The following ENDOU variants were observed in gnomAD, a reference collection of about 807,000 sequenced individuals.
The protein encoded by ENDOU is uridylate-specific endoribonuclease.
A neutral mutation model predicts 54.2 loss-of-function variants in ENDOU; 49 were observed. The observed-to-expected ratio is 0.90, with a 90% CI of 0.72 to 1.15. The LOEUF (loss-of-function observed/expected upper bound fraction) is 1.15. ENDOU is among the 50% of genes most tolerant of loss of function. The pLI is 0.00. For synonymous variants in ENDOU, 172 were observed against 190.5 expected, an observed-to-expected ratio of 0.90 and a Z score of 0.80; for missense variants, 458 against 511.4, an observed-to-expected ratio of 0.90 and a Z score of 1.01.
chr12:47,711,885 CTG>C (rs777986680), intron 8 of ENDOU, 110 bp from the exon 9 acceptor site: 15 of 1,184,484 alleles, frequency 1.3e-5, no homozygotes, highest in Non-Finnish European at 1.8e-5. Context: ...CATTAGGGGC[CTG>C]TGTGAACCTT....
At chr12:47,713,203 C>A (rs1431955506) in intron 7 of ENDOU, 72 bp downstream of exon 7, 5 of 1,050,846 alleles carry the variant, frequency 4.8e-6, no homozygotes, top group Non-Finnish European at 7.5e-6. Flanking sequence ...ACACCCAGGG[C>A]TGCCCTGCTC....
chr12:47,716,281 C>A lies in ENDOU; in HGVS notation c.751+19G>T. ...TCAGACAGACTCATGCGCTCTGGGG[C>A]CTGGGGGTGCTCACTCACTCTGGTG... On this transcript the variant is annotated intron_variant, in intron 6 of 9. Transcript: ENST00000422538. 6.2e-7 allele frequency: 1 copy of A among 1,613,190 alleles called. No individual in the cohort carries two copies. The highest frequency in any genetic ancestry group is 8.5e-7 in the Non-Finnish European group (1 of 1,179,410).
chr12:47,712,515 C>G lies in ENDOU; in HGVS notation c.972+1G>C. The stretch of plus-strand genomic sequence containing the variant: ...AAGGCTTTTCTAGTCCGTGTACTCA[C>G]AGGCCCATCGTAGATGTGACTGTAA... On this transcript the variant is annotated splice_donor_variant, in intron 8 of 9. Transcript: ENST00000422538. LOFTEE classifies it high-confidence loss of function. The G allele has an allele frequency of 6.2e-7, 1 of 1,608,812 alleles. No homozygotes were observed. Among genetic ancestry groups the G allele is most frequent in the African/African-American group, 1.3e-5 (1 of 74,924 alleles).
chr12:47,710,704 T>C lies in ENDOU; in HGVS notation c.*98A>G, dbSNP rs769947576. 1 of 804,158 alleles carries C rather than the reference T, an allele frequency of 1.2e-6. No individual in the cohort carries two copies. The highest frequency in any genetic ancestry group is 2.2e-6 in the Non-Finnish European group (1 of 460,474). 49.8% of individuals were successfully genotyped at this position (804,158 alleles called of 1,614,324 possible). A position where few individuals can be genotyped will look rare whatever the true frequency, so the allele number is the denominator to read the frequency against. The stretch of plus-strand genomic sequence containing the variant: ...TGCTTCTCATTGCTTTGAGATTTGG[T>C]GATCCCTTCCAGTCCTCTCCCTCTT... On this transcript the variant is annotated 3_prime_UTR_variant, in exon 10 of 10. Coordinates refer to ENST00000422538, the MANE Select transcript of ENDOU (RefSeq NM_001172439.2).
chr12:47,716,617 G>T (rs1259728141), intron 5 of ENDOU, 118 bp from the exon 6 acceptor site: 5 of 870,198 alleles, frequency 5.7e-6, no homozygotes, highest in Non-Finnish European at 9.0e-6. Flanking sequence ...GAGCCGAGGG[G>T]GCACTTCGGG....
At chr12:47,716,813 T>G in intron 5 of ENDOU, 77 bp downstream of exon 5, 1 of 1,471,204 alleles carries the variant, frequency 6.8e-7, no homozygotes, top group Non-Finnish European at 9.4e-7. Context: ...GACTTGAGGA[T>G]AAAAAGTCGA....
At chr12:47,720,941 C>G (rs1234516195) in intron 1 of ENDOU, 66 bp from the exon 2 acceptor site, 2 of 1,495,578 alleles carry the variant, frequency 1.3e-6, no homozygotes, top group Non-Finnish European at 1.8e-6. Flanking sequence ...GTGCCTCCTG[C>G]AGGAGGGTTC....
chr12:47,718,606 C>T (rs1374513924), intron 2 of ENDOU, among the ~76,000 whole-genome samples: 1 of 152,170 alleles, frequency 6.6e-6, no homozygotes, highest in Non-Finnish European at 1.5e-5. Context: ...CTCAGGGCCT[C>T]AAGGAATAAG....
At chr12:47,712,664 C>T (rs1181317050) in intron 7 of ENDOU, 42 bp from the exon 8 acceptor site, 1 of 1,429,698 alleles carries the variant, frequency 7.0e-7, no homozygotes, top group Admixed American at 1.7e-5. Flanking sequence ...GGCTCCTTCC[C>T]CACCCTCCCC....
At chr12:47,722,977 A>C (rs1455348554) in intron 1 of ENDOU, among the ~76,000 whole-genome samples, 1 of 152,234 alleles carries the variant, frequency 6.6e-6, no homozygotes, top group Non-Finnish European at 1.5e-5. Context: ...TCAGCCCATC[A>C]GCTCCCTGCT....
Position 47,724,946 on chromosome 12 carries a change from A to C in ENDOU, c.55+413T>G, listed in dbSNP as rs1054549211. Among the ~76,000 whole-genome samples, 4 of 151,738 alleles carry C rather than the reference A, an allele frequency of 2.6e-5. No homozygotes were observed. In the East Asian group the frequency reaches 5.8e-4, roughly 22 times the overall value. Reference sequence around the variant, plus strand: ...GTAACATCACACCCTAAACAACCTCACCTGTCACCAGGCAGTGGAAGGAGT... The same window carrying C: ...GTAACATCACACCCTAAACAACCTCCCCTGTCACCAGGCAGTGGAAGGAGT... On this transcript the variant is annotated intron_variant, in intron 1 of 9. Transcript: ENST00000422538.
chr12:47,715,977 G>A (rs908699835), intron 6 of ENDOU, among the ~76,000 whole-genome samples: 1 of 152,158 alleles, frequency 6.6e-6, no homozygotes, highest in Non-Finnish European at 1.5e-5. Context: ...TCTGGGTGGG[G>A]GTGGGATGTG....
chr12:47,725,342 G>T lies in ENDOU; in HGVS notation c.55+17C>A, dbSNP rs539582170. The T allele has an allele frequency of 2.1e-5, 34 of 1,613,848 alleles. 3 individuals carry two copies. In the South Asian group the frequency reaches 3.7e-4, roughly 18 times the overall value. On this transcript the variant is annotated intron_variant, in intron 1 of 9. Transcript: ENST00000422538. ...CCGCCCCACCAGCAATCCCATGCCC[G>T]CCAGATAGTGACTTACCAGCCCAGG... is the stretch of plus-strand genomic sequence containing the variant.
rs1940267215 is a variant in ENDOU, at chr12:47,716,981, T to C, written c.460A>G (p.Asn154Asp). ...ISEKIYRADTNKAQKEDIVLN... is the reference protein window; with the variant it reads ...ISEKIYRADTDKAQKEDIVLN... ...ACGATGTCTTCCTTCTGGGCTTTGT[T>C]GGTGTCTGCCCTGTAGATCTTCTCA... The change falls in exon 5 of 10, where the codon AAC becomes GAC. Residue 154 changes from asparagine (N) to aspartate (D), a missense_variant. Transcript: ENST00000422538. The C allele has an allele frequency of 6.2e-7, 1 of 1,613,996 alleles. No homozygotes were observed. The highest frequency in any genetic ancestry group is 8.5e-7 in the Non-Finnish European group (1 of 1,179,964).
chr12:47,712,640 A>G lies in ENDOU; in HGVS notation c.866-18T>C, dbSNP rs190236582. 55 of 1,583,948 alleles carry G rather than the reference A, an allele frequency of 3.5e-5. No individual in the cohort carries two copies. In the Admixed American group the frequency reaches 9.2e-4, roughly 27 times the overall value. ...TACCTCACCTATAATAAAGAGTCCA[A>G]GATGGATAATCTGGGCTCCTTCCCC... On this transcript the variant is annotated intron_variant, in intron 7 of 9. Coordinates refer to ENST00000422538, the MANE Select transcript of ENDOU (RefSeq NM_001172439.2).
intron 7 of ENDOU, 49 bp downstream of exon 7, chr12:47,713,226 A>C: frequency 7.7e-7 from 1 of 1,291,230 alleles, no homozygotes; most frequent in Non-Finnish European, 1.1e-6. Flanking sequence ...GAGCAAAGCC[A>C]TTCCTCTTCA....
chr12:47,716,568 T>G, intron 5 of ENDOU, 69 bp from the exon 6 acceptor site: 1 of 1,468,298 alleles, frequency 6.8e-7, no homozygotes. Context: ...CAGAGACTTC[T>G]AGACAGGCCA....
Position 47,710,780 on chromosome 12 carries a change from C to G in ENDOU, c.*22G>C. On this transcript the variant is annotated 3_prime_UTR_variant, in exon 10 of 10. Coordinates refer to ENST00000422538, the MANE Select transcript of ENDOU (RefSeq NM_001172439.2). ...TTCAGTCTCGCAAGAGCCCTCATGC[C>G]CCTTTCTGGCTCGAAGTTCTATTAG... 6.5e-7 allele frequency: 1 copy of G among 1,538,944 alleles called. No homozygotes were observed. Among genetic ancestry groups the G allele is most frequent in the Non-Finnish European group, 9.0e-7 (1 of 1,111,324 alleles).
At chr12:47,720,678 T>G in intron 2 of ENDOU, 75 bp downstream of exon 2, 1 of 1,486,760 alleles carries the variant, frequency 6.7e-7, no homozygotes, top group Non-Finnish European at 9.0e-7. Flanking sequence ...TGAACGCTGC[T>G]CTGGCCTGCT....
Sources: allele counts gnomAD v4.1 joint callset (sites outside exome capture counted in the v4.1 genomes callset), GRCh38; gene constraint gnomAD v4.1.1; transcripts MANE v1.5; gene names NCBI Gene and HGNC (gene_info 2026-07-23, HGNC 2026-07-21).